The following TIAM2 variants were observed in gnomAD, a reference collection of about 807,000 sequenced individuals.
TIAM2 encodes the protein rho guanine nucleotide exchange factor TIAM2.
Under a neutral mutation model 152.9 loss-of-function variants are expected in TIAM2, and 80 were observed. The ratio of observed to expected loss-of-function variants is 0.52; its 90% confidence interval spans 0.44 to 0.63. The LOEUF (loss-of-function observed/expected upper bound fraction) is 0.63, where lower values mean the gene tolerates loss of function less well. TIAM2 is among the 30% of genes least tolerant of loss of function. The probability of loss-of-function intolerance (pLI) is 0.00; values close to 1 mark genes in which losing one functional copy is unlikely to be tolerated. For missense variants in TIAM2, 1,965 were observed against 2,120.1 expected, an observed-to-expected ratio of 0.93 and a Z score of 1.44; for synonymous variants, 804 against 838.0, an observed-to-expected ratio of 0.96 and a Z score of 0.70.
At chr6:155,240,805 C>A in intron 16 of TIAM2, 96 bp downstream of exon 16, 4 of 1,303,486 alleles carry the variant, frequency 3.1e-6, no homozygotes, top group East Asian at 2.4e-5. Flanking sequence ...CCCAGGACAC[C>A]TGCCACTCCC....
chr6:155,065,956 A>G (rs1777684490), intron 1 of TIAM2, among the ~76,000 whole-genome samples: 1 of 152,070 alleles, frequency 6.6e-6, no homozygotes, highest in African/African-American at 2.4e-5. Context: ...CAGTATTAGT[A>G]TTTGGAGGTA....
intron 5 of TIAM2, among the ~76,000 whole-genome samples, chr6:155,142,071 GCC>G (rs974303836): frequency 3.3e-5 from 5 of 151,704 alleles, no homozygotes; most frequent in Non-Finnish European, 5.9e-5. Context: ...AGGGCTGGTG[GCC>G]CCCAGCATCG....
At chr6:155,162,512 T>G (rs921513382) in intron 7 of TIAM2, among the ~76,000 whole-genome samples, 2 of 152,194 alleles carry the variant, frequency 1.3e-5, no homozygotes, top group African/African-American at 4.8e-5. Context: ...AAGTAAGGTG[T>G]CAGTTTGTGC....
intron 14 of TIAM2, among the ~76,000 whole-genome samples, chr6:155,187,638 G>A (rs1166361354): frequency 7.3e-6 from 1 of 136,524 alleles, no homozygotes; most frequent in African/African-American, 2.7e-5. Context: ...GGAGTGCAAT[G>A]GTGCAATCTT....
chr6:155,252,017 T>C lies in TIAM2; in HGVS notation c.4119+14T>C. 6.3e-7 allele frequency: 1 copy of C among 1,590,714 alleles called. No homozygotes were observed. Among genetic ancestry groups the C allele is most frequent in the Non-Finnish European group, 8.6e-7 (1 of 1,164,628 alleles). ...AAAAAGAAATTGGTAAGGCAAAAAT[T>C]CATTTTAATTTAAGCTACCTTTTCA... On this transcript the variant is annotated intron_variant, in intron 23 of 26. Coordinates refer to ENST00000682666, the MANE Select transcript of TIAM2 (RefSeq NM_012454.4).
Position 155,086,723 on chromosome 6 carries a change from A to AAC in TIAM2, c.-208-3565_-208-3564dup, listed in dbSNP as rs1778179223. Among the ~76,000 whole-genome samples the AAC allele has an allele frequency of 2.0e-4, 30 of 151,042 alleles. No homozygotes were observed. The South Asian group carries it at 6.1e-3, about 31-fold the overall frequency. ...CTCCATCTTGGAAAAAAAAAAAAAAAACCCCAACAAAAACCACCAAAATGA... is the reference window on the plus strand; with the variant it reads ...CTCCATCTTGGAAAAAAAAAAAAAAAACACCCCAACAAAAACCACCAAAATGA... On this transcript the variant is annotated intron_variant, in intron 1 of 26. Transcript: ENST00000682666.
chr6:155,034,606 C>T (rs925382919), intron 1 of TIAM2, among the ~76,000 whole-genome samples: 4 of 152,086 alleles, frequency 2.6e-5, no homozygotes, highest in African/African-American at 9.7e-5. Flanking sequence ...ATGTTTGCTG[C>T]CTTCCTGCAA....
intron 21 of TIAM2, among the ~76,000 whole-genome samples, chr6:155,250,310 T>A (rs3011900): frequency 0.41 from 59,270 of 145,970 alleles, 12,445 homozygotes; most frequent in Middle Eastern, 0.53. Context: ...TTTTTTTTTT[T>A]AACATCAAAT....
chr6:155,075,894 T>C (rs1284908678), intron 1 of TIAM2, among the ~76,000 whole-genome samples: 1 of 152,156 alleles, frequency 6.6e-6, no homozygotes, highest in Non-Finnish European at 1.5e-5. Flanking sequence ...AAGTGATCAT[T>C]TTCTTACACT....
chr6:155,029,585 TATATA>T (rs1562295355), intron 1 of TIAM2, among the ~76,000 whole-genome samples: 9 of 76,236 alleles, frequency 1.2e-4, no homozygotes, highest in African/African-American at 4.6e-4. Context: ...TATATATAAC[TATATA>T]GTATATATAG....
At chr6:155,211,156 C>T in intron 14 of TIAM2, 48 bp from the exon 15 acceptor site, 1 of 1,554,396 alleles carries the variant, frequency 6.4e-7, no homozygotes, top group South Asian at 1.1e-5. Flanking sequence ...TGTTATTATT[C>T]TCTGCAAATG....
chr6:155,244,751 T>A lies in TIAM2; in HGVS notation c.3511T>A (p.Phe1171Ile), dbSNP rs1207654907. Reference protein sequence around the residue: ...LEDGISASSDFNTLETPSQFR... With the variant: ...LEDGISASSDINTLETPSQFR... ...GGATGGGATTTCAGCATCATCTGAC[T>A]TTAACACCCTAGAAACCCCCTCACA... Residue 1171 changes from phenylalanine (F) to isoleucine (I), a missense_variant, in exon 18 of 27, where the codon TTT (phenylalanine) becomes ATT (isoleucine). Around this residue, in one of 3 missense-constraint regions of TIAM2, gnomAD observed 935 missense variants for 980.0 expected, o/e 0.95. Coordinates refer to ENST00000682666, the MANE Select transcript of TIAM2 (RefSeq NM_012454.4). The A allele has an allele frequency of 6.2e-7, 1 of 1,613,908 alleles. No individual in the cohort carries two copies. The highest frequency in any genetic ancestry group is 1.7e-5 in the Admixed American group (1 of 60,006).
At chr6:155,178,278 T>C (rs1482135933) in intron 10 of TIAM2, among the ~76,000 whole-genome samples, 1 of 151,366 alleles carries the variant, frequency 6.6e-6, no homozygotes. Flanking sequence ...AAAATATGAG[T>C]GTGTGTGCGT....
At chr6:155,041,810 T>C (rs963650273) in intron 1 of TIAM2, among the ~76,000 whole-genome samples, 1 of 152,210 alleles carries the variant, frequency 6.6e-6, no homozygotes, top group Non-Finnish European at 1.5e-5. Context: ...GCGTTGCCAG[T>C]GCGATGTAGA....
At chr6:155,216,833 G>A (rs1181206924) in intron 15 of TIAM2, 3 of 1,071,068 alleles carry the variant, frequency 2.8e-6, no homozygotes, top group Non-Finnish European at 3.5e-6. Flanking sequence ...GAGCAGGCAG[G>A]CTCCCGGCAT....
chr6:155,253,774 G>A, intron 24 of TIAM2, 199 bp from the exon 25 acceptor site: 1 of 511,688 alleles, frequency 2.0e-6, no homozygotes, highest in South Asian at 3.2e-5. Flanking sequence ...TCTGCAGCAG[G>A]AAATGTAAAA....
rs1441268185 is a variant in TIAM2, at chr6:155,129,809, C to G, written c.586C>G (p.Gln196Glu). 1 of 1,613,582 alleles carries G rather than the reference C, an allele frequency of 6.2e-7. No individual in the cohort carries two copies. Among genetic ancestry groups the G allele is most frequent in the African/African-American group, 1.3e-5 (1 of 74,944 alleles). Residue 196 changes from glutamine (Q) to glutamate (E), a missense_variant, in exon 4 of 27, where the codon CAG becomes GAG. This residue lies in a region of TIAM2 where 1,025 missense variants were observed against 1,119.4 expected (regional missense o/e 0.92). Coordinates refer to ENST00000682666, the MANE Select transcript of TIAM2 (RefSeq NM_012454.4). This position sits in a 1 kb window ranked among gnomAD's most constrained non-coding sequence, Gnocchi z 4.8. ...VPAEDCSEPV[Q>E]LLRYSPTLAS... The stretch of plus-strand genomic sequence containing the variant: ...TGCAGAGGACTGCAGTGAGCCGGTG[C>G]AGCTGCTGAGGTACTCACCTACCTT...
intron 1 of TIAM2, chr6:155,016,329 T>C (rs924394485): frequency 6.6e-6 from 1 of 152,236 alleles, no homozygotes; most frequent in Non-Finnish European, 1.5e-5. Context: ...TTTCTGCACT[T>C]GACCTGGAAG....
At chr6:155,057,553 T>TC (rs1417492131) in intron 1 of TIAM2, among the ~76,000 whole-genome samples, 2 of 142,596 alleles carry the variant, frequency 1.4e-5, no homozygotes, top group Non-Finnish European at 3.0e-5. Context: ...TTTTTTTTTT[T>TC]TTTTTTTTTT....
Sources: allele counts gnomAD v4.1 joint callset (sites outside exome capture counted in the v4.1 genomes callset), GRCh38; gene constraint gnomAD v4.1.1; regional missense constraint gnomAD v4.1.1; non-coding constraint Gnocchi (gnomAD v3.1); transcripts MANE v1.5; gene names NCBI Gene and HGNC (gene_info 2026-07-23, HGNC 2026-07-21).